The following KCNIP4 variants were observed in gnomAD, a reference collection of about 807,000 sequenced individuals.
The protein encoded by KCNIP4 is Kv channel-interacting protein 4.
KCNIP4 carries 12 observed loss-of-function variants against 34.0 expected under a neutral mutation model. The ratio of observed to expected loss-of-function variants is 0.35; its 90% CI spans 0.23 to 0.57. The LOEUF is 0.57. Ranked by LOEUF, KCNIP4 falls within the 20% of genes least tolerant of loss-of-function variation. KCNIP4 has a pLI of 0.83. For synonymous variants in KCNIP4, 124 were observed against 102.2 expected, an observed-to-expected ratio of 1.21 and a Z score of -1.29; for missense variants, 238 against 311.7, an observed-to-expected ratio of 0.76 and a Z score of 1.78.
At position 21,234,003 on chromosome 4, in the gene KCNIP4, T is replaced by C. The variant is rs1321095963; in HGVS notation, c.62-351294A>G. Among the ~76,000 whole-genome samples the C allele has an allele frequency of 8.3e-4, 101 of 121,936 alleles. 3 individuals carry two copies. Among genetic ancestry groups the C allele is most frequent in the African/African-American group, 3.2e-3 (95 of 29,754 alleles). The allele number at this position is 121,936 out of a possible 152,430, so 80.0% of individuals were successfully genotyped here. On this transcript the variant is annotated intron_variant, in intron 1 of 8. Transcript: ENST00000382152. ...TATATAACATATAACATGTATAATATATAACATATATAACATATATTATAT... is the reference window on the plus strand; with the variant it reads ...TATATAACATATAACATGTATAATACATAACATATATAACATATATTATAT...
chr4:21,133,191 T>C (rs1032564100), intron 1 of KCNIP4, among the ~76,000 whole-genome samples: 6 of 152,334 alleles, frequency 3.9e-5, no homozygotes, highest in Middle Eastern at 3.4e-3. Context: ...CTGTTTTCAA[T>C]GTCTCTGGGT....
At position 20,955,706 on chromosome 4, in the gene KCNIP4, C is replaced by A. The variant is rs146867289; in HGVS notation, c.62-72997G>T. On this transcript the variant is annotated intron_variant, in intron 1 of 8. Coordinates refer to ENST00000382152, the MANE Select transcript of KCNIP4 (RefSeq NM_025221.6). Reference sequence around the variant, plus strand: ...ATTACCTGAGAGAGGTAAGTTGAAGCTATTTCTGAGATACAAACCTTACAG... The same window carrying A: ...ATTACCTGAGAGAGGTAAGTTGAAGATATTTCTGAGATACAAACCTTACAG... 1.9e-3 allele frequency among the ~76,000 whole-genome samples: 291 copies of A among 152,132 alleles called. 1 individual carries two copies. The highest frequency in any genetic ancestry group is 6.8e-3 in the African/African-American group (281 of 41,516).
chr4:20,873,749 A>T (rs1457282477), intron 2 of KCNIP4, among the ~76,000 whole-genome samples: 1 of 152,166 alleles, frequency 6.6e-6, no homozygotes, highest in Non-Finnish European at 1.5e-5. Context: ...TTAAAAACCT[A>T]ACTTAAAATC....
At chr4:21,642,336 C>T (rs1560586279) in intron 1 of KCNIP4, among the ~76,000 whole-genome samples, 1 of 150,674 alleles carries the variant, frequency 6.6e-6, no homozygotes, top group Non-Finnish European at 1.5e-5. Context: ...ATTCATGGGC[C>T]TTATCATATC....
chr4:21,690,790 T>A (rs1449792366), intron 1 of KCNIP4, among the ~76,000 whole-genome samples: 14 of 152,148 alleles, frequency 9.2e-5, no homozygotes, highest in Non-Finnish European at 2.9e-5. Context: ...CATCTTCCCA[T>A]AATAACAAAC....
chr4:21,707,020 C>T (rs1054354584), intron 1 of KCNIP4, among the ~76,000 whole-genome samples: 1 of 152,158 alleles, frequency 6.6e-6, no homozygotes, highest in African/African-American at 2.4e-5. Context: ...CCTGCCATGA[C>T]ACTACCAATG....
chr4:21,467,787 ACT>A (rs1730121501), intron 1 of KCNIP4, among the ~76,000 whole-genome samples: 1 of 151,622 alleles, frequency 6.6e-6, no homozygotes, highest in African/African-American at 2.4e-5. Flanking sequence ...CATTTCTGAG[ACT>A]CTCTCCCACT....
At chr4:20,734,188 G>A (rs1310892968) in intron 6 of KCNIP4, among the ~76,000 whole-genome samples, 1 of 152,100 alleles carries the variant, frequency 6.6e-6, no homozygotes, top group Admixed American at 6.6e-5. Context: ...CTTGTTTCCT[G>A]GATAGTCTGC....
chr4:21,638,142 T>C (rs1323366826), intron 1 of KCNIP4, among the ~76,000 whole-genome samples: 1 of 152,142 alleles, frequency 6.6e-6, no homozygotes, highest in Non-Finnish European at 1.5e-5. Context: ...CTGAAGGAAA[T>C]GTTTTCTAGA....
intron 1 of KCNIP4, among the ~76,000 whole-genome samples, chr4:21,021,346 T>C (rs1740014883): frequency 6.6e-6 from 1 of 152,180 alleles, no homozygotes; most frequent in South Asian, 2.1e-4. Context: ...CATTGAAGAC[T>C]TTATAATAAA....
At chr4:20,842,145 T>A (rs1459170561) in intron 3 of KCNIP4, among the ~76,000 whole-genome samples, 1 of 152,074 alleles carries the variant, frequency 6.6e-6, no homozygotes, top group African/African-American at 2.4e-5. Context: ...ATTACCTGTC[T>A]TTTTTTGTCA....
At chr4:21,105,903 G>A (rs1748474395) in intron 1 of KCNIP4, among the ~76,000 whole-genome samples, 1 of 151,470 alleles carries the variant, frequency 6.6e-6, no homozygotes, top group Non-Finnish European at 1.5e-5. Context: ...TACATTTATT[G>A]ATTTGCATAT....
In KCNIP4 at chr4:20,749,741, G is replaced by A. The variant is rs374097995; in HGVS notation, c.359-9C>T. On this transcript the variant is annotated splice_polypyrimidine_tract_variant and intron_variant, in intron 4 of 8. Transcript: ENST00000382152. ...TGCATATGTTGTAGAGTCTGAAATG[G>A]TAAAAAGGGAGTATCATTAAGTCAG... is the stretch of plus-strand genomic sequence containing the variant. The A allele has an allele frequency of 6.3e-7, 1 of 1,585,252 alleles. No homozygotes were observed. Among genetic ancestry groups the A allele is most frequent in the Non-Finnish European group, 8.6e-7 (1 of 1,156,948 alleles).
intron 1 of KCNIP4, among the ~76,000 whole-genome samples, chr4:21,313,254 A>G (rs1280679367): frequency 6.6e-6 from 1 of 152,198 alleles, no homozygotes; most frequent in Non-Finnish European, 1.5e-5. Flanking sequence ...TTGTGGATAC[A>G]TATTTAGCCA....
chr4:21,892,756 A>C (rs1160399929), intron 1 of KCNIP4, among the ~76,000 whole-genome samples: 3 of 152,082 alleles, frequency 2.0e-5, no homozygotes, highest in African/African-American at 7.2e-5. Flanking sequence ...TACAACTGTT[A>C]ATTATTTAGA....
intron 1 of KCNIP4, among the ~76,000 whole-genome samples, chr4:21,168,476 T>C (rs558140464): frequency 6.6e-6 from 1 of 152,306 alleles, no homozygotes; most frequent in East Asian, 1.9e-4. Context: ...ATGCAGATTC[T>C]TTCTTTAACC....
chr4:21,544,048 G>C (rs1460474), intron 1 of KCNIP4, among the ~76,000 whole-genome samples: 9,620 of 152,108 alleles, frequency 0.063, 482 homozygotes, highest in South Asian at 0.21. Context: ...ATATAAGCAA[G>C]ACCTTAACTT....
At chr4:21,573,204 TAGTG>T (rs1740488253) in intron 1 of KCNIP4, among the ~76,000 whole-genome samples, 1 of 152,140 alleles carries the variant, frequency 6.6e-6, no homozygotes, top group Non-Finnish European at 1.5e-5. Context: ...TACTTGACCT[TAGTG>T]AGTATCTCCA....
chr4:20,810,998 G>T (rs1715682895), intron 3 of KCNIP4, among the ~76,000 whole-genome samples: 1 of 152,148 alleles, frequency 6.6e-6, no homozygotes, highest in South Asian at 2.1e-4. Context: ...GCATATGTGG[G>T]AAGTATAGCA....
Sources: allele counts gnomAD v4.1 joint callset (sites outside exome capture counted in the v4.1 genomes callset), GRCh38; gene constraint gnomAD v4.1.1; transcripts MANE v1.5; gene names NCBI Gene and HGNC (gene_info 2026-07-23, HGNC 2026-07-21).